Variants in CLVS1 observed in about 807,000 individuals in gnomAD.
The protein encoded by CLVS1 is clavesin-1.
A neutral mutation model predicts 33.1 loss-of-function variants in CLVS1; 10 were observed. That is an observed-to-expected ratio of 0.30 (90% CI 0.19 to 0.51). CLVS1 has a LOEUF of 0.51. CLVS1 is among the 20% of genes least tolerant of loss of function. The pLI, the probability that CLVS1 is intolerant of heterozygous loss-of-function variation, is 0.97. For missense variants in CLVS1, 343 were observed against 433.4 expected (o/e 0.79, Z 1.85); for synonymous variants, 163 against 166.1 (o/e 0.98, Z 0.14).
the CLVS1 span, among the ~76,000 whole-genome samples, chr8:60,995,925 C>T: frequency 2.0e-5 from 3 of 152,248 alleles, no homozygotes; most frequent in African/African-American, 7.2e-5. Flanking sequence ...AAAAACCAAA[C>T]ACCGCATATT....
intron 3 of CLVS1, among the ~76,000 whole-genome samples, chr8:61,401,846 G>C (rs1233142804): frequency 1.3e-5 from 2 of 152,132 alleles, no homozygotes; most frequent in Non-Finnish European, 2.9e-5. Context: ...CACAGCTCAA[G>C]TGCTGGTAAT....
chr8:61,120,979 C>T (rs1247033823), intron 1 of CLVS1, among the ~76,000 whole-genome samples: 6 of 149,368 alleles, frequency 4.0e-5, no homozygotes, highest in South Asian at 2.1e-4. Context: ...AGCCTCGCTG[C>T]CGCCTTGTAG....
rs1477678416 is a variant in CLVS1, at chr8:61,500,410, G to GC, written c.*873dup. ...AAGTGCTATCAAACCATTTACCCTT[G>GC]CCCCCACAACCCTCCTGCAACCATT... On this transcript the variant is annotated 3_prime_UTR_variant, in exon 6 of 6. Coordinates refer to ENST00000325897, the MANE Select transcript of CLVS1 (RefSeq NM_173519.3). 2 of 152,104 alleles carry GC rather than the reference G, an allele frequency of 1.3e-5. No individual in the cohort carries two copies. The highest frequency in any genetic ancestry group is 3.9e-4 in the East Asian group (2 of 5,190). The allele number at this position is 152,104 out of a possible 1,614,324, so 9.4% of individuals were successfully genotyped here.
At chr8:61,354,816 G>A (rs1409828143) in intron 2 of CLVS1, among the ~76,000 whole-genome samples, 2 of 152,092 alleles carry the variant, frequency 1.3e-5, no homozygotes, top group Non-Finnish European at 2.9e-5. Flanking sequence ...CAGGTTTTAG[G>A]GAATGGGAGG....
At chr8:61,187,583 G>A (rs1474045187) in intron 2 of CLVS1, among the ~76,000 whole-genome samples, 1 of 152,074 alleles carries the variant, frequency 6.6e-6, no homozygotes, top group African/African-American at 2.4e-5. Flanking sequence ...AAGTTTGACA[G>A]TTTGCCCAGA....
intron 2 of CLVS1, among the ~76,000 whole-genome samples, chr8:61,161,315 C>T (rs2129351): frequency 0.4 from 61,316 of 152,064 alleles, 15,325 homozygotes; most frequent in Middle Eastern, 0.65. Flanking sequence ...TTACTTCTGG[C>T]TATATCCCAA....
At chr8:61,382,082 CATG>C (rs1474246156) in intron 3 of CLVS1, among the ~76,000 whole-genome samples, 1 of 152,148 alleles carries the variant, frequency 6.6e-6, no homozygotes, top group African/African-American at 2.4e-5. Context: ...TTTTCCAAAA[CATG>C]ATATGTTCAC....
chr8:61,344,844 C>T (rs1441245701), intron 2 of CLVS1, among the ~76,000 whole-genome samples: 1 of 150,796 alleles, frequency 6.6e-6, no homozygotes, highest in Non-Finnish European at 1.5e-5. Flanking sequence ...AATATTAAAA[C>T]CATTTTAAAT....
chr8:61,051,282 C>G, the CLVS1 span, among the ~76,000 whole-genome samples: 1 of 152,264 alleles, frequency 6.6e-6, no homozygotes, highest in East Asian at 1.9e-4. Context: ...GGGCAACCCA[C>G]TCAACCCTCT....
the CLVS1 span, among the ~76,000 whole-genome samples, chr8:61,040,202 C>A: frequency 6.6e-6 from 1 of 152,198 alleles, no homozygotes; most frequent in Non-Finnish European, 1.5e-5. Flanking sequence ...GCATAGTATT[C>A]CATAGTGTAT....
chr8:61,394,089 C>G (rs2201259), intron 3 of CLVS1, among the ~76,000 whole-genome samples: 2 of 152,206 alleles, frequency 1.3e-5, no homozygotes. Flanking sequence ...GCTCACGCCT[C>G]TAATCCCAGC....
At chr8:61,318,714 C>G (rs142629646) in intron 2 of CLVS1, among the ~76,000 whole-genome samples, 210 of 152,270 alleles carry the variant, frequency 1.4e-3, no homozygotes, top group African/African-American at 4.9e-3. Context: ...TCTTCATTCT[C>G]TCCCAGTTCT....
chr8:61,347,248 T>A (rs1812253530), intron 2 of CLVS1, among the ~76,000 whole-genome samples: 1 of 152,086 alleles, frequency 6.6e-6, no homozygotes, highest in Non-Finnish European at 1.5e-5. Context: ...TCTCTGCTTG[T>A]CAGACTGCAA....
chr8:61,232,037 T>TGTTTGTTTG (rs1219197483), intron 2 of CLVS1, among the ~76,000 whole-genome samples: 2 of 116,076 alleles, frequency 1.7e-5, no homozygotes, highest in African/African-American at 1.0e-4. Flanking sequence ...TTTTTTTTTT[T>TGTTTGTTTG]TTTTTTTTTT....
intron 2 of CLVS1, among the ~76,000 whole-genome samples, chr8:61,180,966 A>T (rs1018909844): frequency 2.0e-5 from 3 of 152,346 alleles, no homozygotes; most frequent in African/African-American, 7.2e-5. Flanking sequence ...CCTATTCAAC[A>T]TAACATTGGA....
intron 2 of CLVS1, among the ~76,000 whole-genome samples, chr8:61,356,306 T>G (rs1476998796): frequency 2.0e-5 from 3 of 152,196 alleles, no homozygotes; most frequent in Non-Finnish European, 2.9e-5. Context: ...TGTAGATTCT[T>G]GATATTAGCC....
intron 3 of CLVS1, among the ~76,000 whole-genome samples, chr8:61,404,603 C>T (rs1341628471): frequency 1.3e-5 from 2 of 152,042 alleles, no homozygotes; most frequent in African/African-American, 2.4e-5. Flanking sequence ...ACGCAAAGCC[C>T]CTTAAAGCTG....
rs1315765383 is a variant in CLVS1 at position 61,472,309 on chromosome 8, A to G, written c.977+13767A>G. 2.0e-5 allele frequency among the ~76,000 whole-genome samples: 3 copies of G among 152,218 alleles called. No homozygotes were observed. The East Asian group carries it at 5.8e-4, about 29-fold the overall frequency. ...TGCCTCACTTATTCCCTAGTATATA[A>G]TAGGTGCTCATGACATAGTTTCTGG... is the stretch of plus-strand genomic sequence containing the variant. On this transcript the variant is annotated intron_variant, in intron 5 of 5. Coordinates refer to ENST00000325897, the MANE Select transcript of CLVS1 (RefSeq NM_173519.3).
intron 3 of CLVS1, among the ~76,000 whole-genome samples, chr8:61,421,849 TA>T (rs1448820547): frequency 1.3e-5 from 2 of 152,186 alleles, no homozygotes; most frequent in African/African-American, 4.8e-5. Context: ...GTGGTCGTGC[TA>T]GGAACCTTCA....
Sources: allele counts gnomAD v4.1 joint callset (sites outside exome capture counted in the v4.1 genomes callset), GRCh38; gene constraint gnomAD v4.1.1; transcripts MANE v1.5; gene names NCBI Gene and HGNC (gene_info 2026-07-23, HGNC 2026-07-21).